The following STX18 variants were observed in gnomAD, a reference collection of about 807,000 sequenced individuals.
STX18 encodes syntaxin-18.
STX18 carries 40 observed loss-of-function variants against 50.1 expected under a neutral mutation model. The ratio of observed to expected loss-of-function variants is 0.80; its 90% CI spans 0.62 to 1.04. The LOEUF is 1.04. Among genes scored for constraint, STX18 ranks in the 50% least tolerant of loss-of-function variants. The pLI is 0.00. For synonymous variants in STX18, 158 were observed against 151.8 expected, an observed-to-expected ratio of 1.04 and a Z score of -0.30; for missense variants, 410 against 415.8, an observed-to-expected ratio of 0.99 and a Z score of 0.12.
At chr4:4,487,569 T>A (rs1434330723) in intron 1 of STX18, among the ~76,000 whole-genome samples, 1 of 152,178 alleles carries the variant, frequency 6.6e-6, no homozygotes, top group African/African-American at 2.4e-5. Context: ...CTTCACTCTA[T>A]GCCTCCAAAC....
rs932150457 is a variant in STX18, at chr4:4,508,617, A to G, written c.168+33180T>C. On this transcript the variant is annotated intron_variant, in intron 1 of 10. Coordinates refer to ENST00000306200, the MANE Select transcript of STX18 (RefSeq NM_016930.4). ...GTGCAGGTTTGTTACATAGGTAAAC[A>G]TGTGCCGTGGTGGTTTGCTGCACAG... Among the ~76,000 whole-genome samples the G allele has an allele frequency of 3.3e-5, 5 of 152,302 alleles. No individual in the cohort carries two copies. In the East Asian group the frequency reaches 9.6e-4, roughly 29 times the overall value.
intron 4 of STX18, 53 bp downstream of exon 4, chr4:4,457,370 C>T: frequency 1.3e-6 from 2 of 1,569,102 alleles, no homozygotes; most frequent in Non-Finnish European, 1.8e-6. Flanking sequence ...CTAAATTCTG[C>T]ATCACATCTA....
At chr4:4,524,963 A>G (rs1730682361) in intron 1 of STX18, among the ~76,000 whole-genome samples, 1 of 152,320 alleles carries the variant, frequency 6.6e-6, no homozygotes, top group African/African-American at 2.4e-5. Flanking sequence ...GAAGAAAAGA[A>G]AAGAAAAGAA....
At chr4:4,487,233 G>A (rs1424244288) in intron 1 of STX18, among the ~76,000 whole-genome samples, 1 of 152,094 alleles carries the variant, frequency 6.6e-6, no homozygotes, top group Non-Finnish European at 1.5e-5. Context: ...CATCAGTGGG[G>A]GTTTGTCTGC....
At chr4:4,450,780 C>T (rs774075287) in intron 5 of STX18, among the ~76,000 whole-genome samples, 1 of 152,218 alleles carries the variant, frequency 6.6e-6, no homozygotes, top group Non-Finnish European at 1.5e-5. Context: ...CGACTGCAGA[C>T]GCCCACCTTA....
intron 1 of STX18, among the ~76,000 whole-genome samples, chr4:4,490,922 T>C (rs1266113622): frequency 6.6e-6 from 1 of 152,178 alleles, no homozygotes; most frequent in Non-Finnish European, 1.5e-5. Context: ...AACTTATTTA[T>C]ACTTTCACAC....
chr4:4,442,773 G>A (rs6858413), intron 5 of STX18, among the ~76,000 whole-genome samples: 16,547 of 139,826 alleles, frequency 0.12, 1,543 homozygotes, highest in African/African-American at 0.27. Flanking sequence ...TGCTATGAAC[G>A]TAAAACTGCT....
intron 5 of STX18, among the ~76,000 whole-genome samples, chr4:4,441,902 T>C (rs913986601): frequency 6.6e-6 from 1 of 152,182 alleles, no homozygotes; most frequent in African/African-American, 2.4e-5. Context: ...AGAGACTAAA[T>C]GCATATGGAA....
At chr4:4,522,985 T>C (rs1057112057) in intron 1 of STX18, among the ~76,000 whole-genome samples, 1 of 152,260 alleles carries the variant, frequency 6.6e-6, no homozygotes, top group Non-Finnish European at 1.5e-5. Flanking sequence ...AAACATTCTA[T>C]AGCACTTCTT....
chr4:4,510,775 T>C (rs1729964673), intron 1 of STX18, among the ~76,000 whole-genome samples: 1 of 152,184 alleles, frequency 6.6e-6, no homozygotes, highest in Non-Finnish European at 1.5e-5. Flanking sequence ...AATGATAGAC[T>C]GGATAAAGCA....
At chr4:4,496,593 G>C (rs1001839037) in intron 1 of STX18, among the ~76,000 whole-genome samples, 1 of 152,154 alleles carries the variant, frequency 6.6e-6, no homozygotes, top group African/African-American at 2.4e-5. Context: ...GCGCTAAGGA[G>C]GAAAAGCTGA....
chr4:4,447,592 C>CAAAAAAAAAAAAAAAAAAAAA, intron 5 of STX18, among the ~76,000 whole-genome samples: 1 of 45,878 alleles, frequency 2.2e-5, no homozygotes, highest in Non-Finnish European at 4.0e-5. Context: ...CTCCGTCTCA[C>CAAAAAAAAAAAAAAAAAAAAA]AAAAAAAAAA....
chr4:4,438,718 A>G (rs1725924437), intron 5 of STX18, among the ~76,000 whole-genome samples: 1 of 152,036 alleles, frequency 6.6e-6, no homozygotes. Flanking sequence ...GAGATTGTGC[A>G]TGCCCTCTGC....
chr4:4,483,792 A>G (rs947010460), intron 1 of STX18, among the ~76,000 whole-genome samples: 1 of 152,198 alleles, frequency 6.6e-6, no homozygotes, highest in Non-Finnish European at 1.5e-5. Flanking sequence ...AATCGAGGTC[A>G]GCTACTGTGA....
At chr4:4,444,586 C>A (rs1248507120) in intron 5 of STX18, among the ~76,000 whole-genome samples, 3 of 152,200 alleles carry the variant, frequency 2.0e-5, no homozygotes, top group Non-Finnish European at 4.4e-5. Flanking sequence ...GAAGCTTGTA[C>A]CTGATCTCTC....
At chr4:4,527,867 C>CATATATATATATATATATATAT (rs1553851958) in intron 1 of STX18, among the ~76,000 whole-genome samples, 1 of 137,208 alleles carries the variant, frequency 7.3e-6, no homozygotes, top group African/African-American at 2.6e-5. Flanking sequence ...CACACACACA[C>CATATATATATATATATATATAT]ATATATATAT....
chr4:4,457,136 C>G (rs187576032), intron 5 of STX18, 55 bp downstream of exon 5: 2 of 1,485,416 alleles, frequency 1.3e-6, no homozygotes, highest in Admixed American at 3.4e-5. Context: ...ACTTTAACTG[C>G]TATTATTAGT....
intron 5 of STX18, among the ~76,000 whole-genome samples, chr4:4,442,709 G>A (rs1421428113): frequency 1.3e-5 from 2 of 151,820 alleles, no homozygotes; most frequent in Non-Finnish European, 2.9e-5. Context: ...ATTGGCGGGT[G>A]GGGAGGACAG....
At chr4:4,455,800 C>T (rs1252613435) in intron 5 of STX18, among the ~76,000 whole-genome samples, 2 of 152,188 alleles carry the variant, frequency 1.3e-5, no homozygotes, top group Non-Finnish European at 2.9e-5. Flanking sequence ...TGGGAGAGTA[C>T]TCTTAGAAGC....
Sources: allele counts gnomAD v4.1 joint callset (sites outside exome capture counted in the v4.1 genomes callset), GRCh38; gene constraint gnomAD v4.1.1; transcripts MANE v1.5; gene names NCBI Gene and HGNC (gene_info 2026-07-23, HGNC 2026-07-21).